Variants in HIPK3 observed in about 807,000 individuals in gnomAD.
HIPK3 encodes the protein homeodomain interacting protein kinase 3.
A neutral mutation model predicts 124.2 loss-of-function variants in HIPK3; 47 were observed. That is an observed-to-expected ratio of 0.38 (90% CI 0.30 to 0.48). HIPK3 has a LOEUF of 0.48. HIPK3 is among the 20% of genes least tolerant of loss of function. The pLI is 0.98. For synonymous variants in HIPK3, 482 were observed against 515.2 expected (o/e 0.94, Z 0.87); for missense variants, 1,286 against 1,454.3 (o/e 0.88, Z 1.88).
intron 8 of HIPK3, among the ~76,000 whole-genome samples, chr11:33,345,609 A>C (rs1853469582): frequency 1.7e-5 from 1 of 57,172 alleles, no homozygotes; most frequent in Non-Finnish European, 3.3e-5. Context: ...TCCTTGTCAA[A>C]GTGAAGAGAT....
intron 2 of HIPK3, among the ~76,000 whole-genome samples, chr11:33,302,133 A>T (rs796162082): frequency 1.3e-5 from 2 of 152,182 alleles, no homozygotes; most frequent in Non-Finnish European, 2.9e-5. Context: ...GTTATCTAGA[A>T]TCCCTTTCAG....
At chr11:33,276,058 G>A (rs1183538577) in intron 1 of HIPK3, among the ~76,000 whole-genome samples, 1 of 152,152 alleles carries the variant, frequency 6.6e-6, no homozygotes, top group Non-Finnish European at 1.5e-5. Flanking sequence ...CAAATATTCA[G>A]ACCTACAGAA....
chr11:33,277,345 G>A (rs922953862), intron 1 of HIPK3, among the ~76,000 whole-genome samples: 5 of 152,022 alleles, frequency 3.3e-5, no homozygotes, highest in East Asian at 1.9e-4. Context: ...ATTTATGTAC[G>A]TTGATATATG....
intron 3 of HIPK3, among the ~76,000 whole-genome samples, chr11:33,335,374 A>G (rs1853110902): frequency 6.6e-6 from 1 of 152,226 alleles, no homozygotes; most frequent in Admixed American, 6.5e-5. Flanking sequence ...AGGAAGTAGA[A>G]GAGACCCAGA....
chr11:33,303,855 T>G (rs1852074433), intron 2 of HIPK3, among the ~76,000 whole-genome samples: 1 of 152,332 alleles, frequency 6.6e-6, no homozygotes, highest in South Asian at 2.1e-4. Flanking sequence ...AACATTTCTT[T>G]CGTGAGAAAA....
At chr11:33,338,551 G>T (rs1431856322) in intron 4 of HIPK3, among the ~76,000 whole-genome samples, 1 of 152,056 alleles carries the variant, frequency 6.6e-6, no homozygotes, top group Non-Finnish European at 1.5e-5. Context: ...TCTTTATGGG[G>T]TTTGTTACAT....
intron 1 of HIPK3, among the ~76,000 whole-genome samples, chr11:33,283,595 T>G (rs1411799623): frequency 6.6e-6 from 1 of 152,082 alleles, no homozygotes; most frequent in Admixed American, 6.6e-5. Flanking sequence ...TGAAAGGTGG[T>G]ACGTTTACTT....
chr11:33,325,370 A>G (rs926433464), intron 2 of HIPK3, among the ~76,000 whole-genome samples: 1 of 152,318 alleles, frequency 6.6e-6, no homozygotes, highest in African/African-American at 2.4e-5. Flanking sequence ...TTCCATATTA[A>G]ATATTTCAAA....
At chr11:33,337,385 T>C (rs1200503008) in intron 4 of HIPK3, among the ~76,000 whole-genome samples, 191 bp downstream of exon 4, 1 of 152,150 alleles carries the variant, frequency 6.6e-6, no homozygotes, top group Admixed American at 6.5e-5. Context: ...AGATGGAGTT[T>C]CTCTCTCTCG....
rs761702813 is a variant in HIPK3 at position 33,349,107 on chromosome 11, T to C, written c.2667-40T>C. ...TTTTGGCTATTTGGAGAGTATCTTCTTGTATTTGACTCATGTTTTTCCCTT... is the reference window on the plus strand; with the variant it reads ...TTTTGGCTATTTGGAGAGTATCTTCCTGTATTTGACTCATGTTTTTCCCTT... On this transcript the variant is annotated intron_variant, in intron 13 of 16. Transcript: ENST00000303296. The C allele has an allele frequency of 2.8e-5, 44 of 1,588,508 alleles. No homozygotes were observed. In the East Asian group the frequency reaches 8.5e-4, roughly 31 times the overall value.
Position 33,356,788 on chromosome 11 carries a change from A to C in HIPK3, c.*3220A>C, listed in dbSNP as rs915304637. On this transcript the variant is annotated 3_prime_UTR_variant, in exon 17 of 17. Coordinates refer to ENST00000303296, the MANE Select transcript of HIPK3 (RefSeq NM_005734.5). ...ATGCTACACTAGTTTGCCATGTAGCAATTGCACTGTGCAATATTACAATAA... is the reference window on the plus strand; with the variant it reads ...ATGCTACACTAGTTTGCCATGTAGCCATTGCACTGTGCAATATTACAATAA... 6.6e-6 allele frequency: 1 copy of C among 152,116 alleles called. No individual in the cohort carries two copies. The highest frequency in any genetic ancestry group is 1.5e-5 in the Non-Finnish European group (1 of 67,964). The allele number at this position is 152,116 out of a possible 1,614,324, so 9.4% of individuals were successfully genotyped here.
chr11:33,348,749 C>A lies in HIPK3; in HGVS notation c.2597C>A (p.Ala866Glu), dbSNP rs144093715. ...TIIIADSPSP[A>E]VSVITISSDT... Reference sequence around the variant, plus strand: ...ATTATTGCCGACTCCCCGAGTCCTGCAGTGAGTGTCATCACTATCAGCAGT... The same window carrying A: ...ATTATTGCCGACTCCCCGAGTCCTGAAGTGAGTGTCATCACTATCAGCAGT... Residue 866 changes from alanine (A) to glutamate (E), a missense_variant, in exon 13 of 17, where the codon GCA (alanine) becomes GAA (glutamate). Ala to Glu is a moderately radical substitution (Grantham distance 107, BLOSUM62 -1). Around this residue, in one of 3 missense-constraint regions of HIPK3, gnomAD observed 810 missense variants for 864.9 expected, o/e 0.94. Transcript: ENST00000303296. The A allele has an allele frequency of 6.2e-7, 1 of 1,614,126 alleles. No homozygotes were observed. Among genetic ancestry groups the A allele is most frequent in the South Asian group, 1.1e-5 (1 of 91,090 alleles).
At chr11:33,324,757 A>G (rs977613559) in intron 2 of HIPK3, among the ~76,000 whole-genome samples, 10 of 152,198 alleles carry the variant, frequency 6.6e-5, no homozygotes, top group Admixed American at 2.0e-4. Context: ...GTATTGGCCT[A>G]TCCGAGACTT....
chr11:33,274,400 G>T (rs1851217372), intron 1 of HIPK3, among the ~76,000 whole-genome samples: 1 of 152,136 alleles, frequency 6.6e-6, no homozygotes, highest in Non-Finnish European at 1.5e-5. Context: ...AAAGTAGAAA[G>T]CAATACATTT....
chr11:33,341,183 T>A, intron 7 of HIPK3, 56 bp downstream of exon 7: 1 of 1,252,946 alleles, frequency 8.0e-7, no homozygotes. Context: ...TTGCGCATTT[T>A]ACTTTTGATA....
chr11:33,272,944 C>T (rs1851174335), intron 1 of HIPK3, among the ~76,000 whole-genome samples: 1 of 151,310 alleles, frequency 6.6e-6, no homozygotes, highest in Non-Finnish European at 1.5e-5. Flanking sequence ...AACTCCTGGG[C>T]TCAAGGCATC....
chr11:33,317,255 AG>A (rs1223892473), intron 2 of HIPK3, among the ~76,000 whole-genome samples: 1 of 143,676 alleles, frequency 7.0e-6, no homozygotes, highest in Non-Finnish European at 1.5e-5. Context: ...TACAGGCGTG[AG>A]CCACTGTGCC....
intron 1 of HIPK3, among the ~76,000 whole-genome samples, chr11:33,269,327 A>G (rs1419628771): frequency 1.3e-5 from 2 of 152,108 alleles, no homozygotes; most frequent in East Asian, 1.9e-4. Flanking sequence ...CCAACAGTAC[A>G]CACTTTGGGA....
chr11:33,330,835 C>CTT (rs546326147), intron 3 of HIPK3, among the ~76,000 whole-genome samples: 9 of 139,478 alleles, frequency 6.5e-5, no homozygotes, highest in African/African-American at 1.1e-4. Flanking sequence ...CTTTCAAGTG[C>CTT]TTTTTTTTTT....
Sources: gnomAD v4.1 joint callset for allele counts (sites outside exome capture counted in the v4.1 genomes callset) on GRCh38, gnomAD v4.1.1 for gene constraint, gnomAD v4.1.1 regional missense constraint, MANE v1.5 for transcripts, NCBI Gene and HGNC (gene_info 2026-07-23, HGNC 2026-07-21) for gene names.